The following RIC1 variants were observed in gnomAD, a reference collection of about 807,000 sequenced individuals.
RIC1 encodes the protein guanine nucleotide exchange factor subunit RIC1.
Under a neutral mutation model 169.0 loss-of-function variants are expected in RIC1, and 88 were observed. That is an observed-to-expected ratio of 0.52 (90% CI 0.44 to 0.62). The LOEUF is 0.62. RIC1 is among the 20% of genes least tolerant of loss of function. The probability of loss-of-function intolerance (pLI) is 0.00; values close to 1 mark genes in which losing one functional copy is unlikely to be tolerated. For synonymous variants in RIC1, 790 were observed against 601.5 expected (o/e 1.31, Z -4.59); for missense variants, 1,877 against 1,725.5 (o/e 1.09, Z -1.56).
At chr9:5,703,634 C>T (rs897177356) in intron 3 of RIC1, among the ~76,000 whole-genome samples, 3 of 152,192 alleles carry the variant, frequency 2.0e-5, no homozygotes, top group African/African-American at 7.2e-5. Context: ...TGGAATCACA[C>T]ACTATGTACC....
intron 2 of RIC1, 86 bp from the exon 3 acceptor site, chr9:5,689,873 C>A: frequency 3.3e-6 from 3 of 905,274 alleles, no homozygotes; most frequent in Non-Finnish European, 3.3e-6. Flanking sequence ...AATTTTTTTT[C>A]GAAGTAAGAA....
At chr9:5,765,948 G>A in intron 21 of RIC1, 150 bp downstream of exon 21, 1 of 963,090 alleles carries the variant, frequency 1.0e-6, no homozygotes, top group South Asian at 1.7e-5. Context: ...CCACACAGAA[G>A]GCTTCCCTTT....
chr9:5,729,040 C>A (rs1437197747), intron 6 of RIC1, among the ~76,000 whole-genome samples: 1 of 152,174 alleles, frequency 6.6e-6, no homozygotes, highest in African/African-American at 2.4e-5. Flanking sequence ...TCTCCCCTCT[C>A]TGTCTCCAGT....
intron 5 of RIC1, 115 bp from the exon 6 acceptor site, chr9:5,720,499 G>A (rs539639467): frequency 1.0e-5 from 12 of 1,191,812 alleles, no homozygotes; most frequent in Non-Finnish European, 1.4e-5. Flanking sequence ...TAATTATTTA[G>A]GGTTGTTAGG....
chr9:5,721,891 CTTTTTTTTTTT>C (rs1261535327), intron 6 of RIC1, among the ~76,000 whole-genome samples: 3 of 141,238 alleles, frequency 2.1e-5, no homozygotes, highest in East Asian at 4.1e-4. Flanking sequence ...TTTTTGTTTT[CTTTTTTTTTTT>C]TTTGAGATGG....
At chr9:5,705,770 T>C (rs185288590) in intron 3 of RIC1, among the ~76,000 whole-genome samples, 4 of 152,356 alleles carry the variant, frequency 2.6e-5, no homozygotes, top group African/African-American at 9.6e-5. Flanking sequence ...AGATGTTAGC[T>C]GTGCGCTTTA....
intron 1 of RIC1, among the ~76,000 whole-genome samples, chr9:5,649,782 C>T (rs1818705291): frequency 6.7e-6 from 1 of 149,990 alleles, no homozygotes; most frequent in Non-Finnish European, 1.5e-5. Context: ...AAGTTGATGT[C>T]TGTACCTCTG....
chr9:5,720,581 A>C (rs748700043), intron 5 of RIC1, 33 bp from the exon 6 acceptor site: 1 of 1,556,746 alleles, frequency 6.4e-7, no homozygotes, highest in African/African-American at 1.4e-5. Flanking sequence ...TTATATTCTT[A>C]ATCCTATTTC....
chr9:5,684,816 C>G (rs1327516973), intron 2 of RIC1, among the ~76,000 whole-genome samples: 9 of 152,088 alleles, frequency 5.9e-5, no homozygotes, highest in Non-Finnish European at 7.4e-5. Flanking sequence ...AAATCTCTTT[C>G]ATCCAGATAT....
chr9:5,658,824 TG>T (rs1190168717), intron 2 of RIC1, among the ~76,000 whole-genome samples: 6 of 148,230 alleles, frequency 4.0e-5, no homozygotes, highest in South Asian at 2.1e-4. Flanking sequence ...AAAGTTTTTT[TG>T]TTTTTTTTTT....
chr9:5,735,178 G>A (rs923599625), intron 7 of RIC1, among the ~76,000 whole-genome samples: 3 of 151,670 alleles, frequency 2.0e-5, no homozygotes, highest in Non-Finnish European at 4.4e-5. Context: ...AGAATATCCT[G>A]CATCCTAGAT....
chr9:5,715,132 A>G (rs528188838), intron 4 of RIC1, among the ~76,000 whole-genome samples: 1 of 152,202 alleles, frequency 6.6e-6, no homozygotes, highest in Non-Finnish European at 1.5e-5. Flanking sequence ...ATTGAGTTCA[A>G]AGTTACTCAT....
chr9:5,762,661 G>C lies in RIC1; in HGVS notation c.2112+1G>C. On this transcript the variant is annotated splice_donor_variant, in intron 18 of 25. Transcript: ENST00000414202. LOFTEE classifies it high-confidence loss of function. The stretch of plus-strand genomic sequence containing the variant: ...TAACCCTAATAACCAAAGGAAACTT[G>C]TGAGTAAAGTACTAGTCATTTCTTT... The C allele has an allele frequency of 1.2e-6, 2 of 1,613,332 alleles. No homozygotes were observed. The highest frequency in any genetic ancestry group is 2.2e-5 in the South Asian group (2 of 90,968).
intron 1 of RIC1, among the ~76,000 whole-genome samples, chr9:5,645,811 C>T (rs1818479002): frequency 6.6e-6 from 1 of 152,170 alleles, no homozygotes; most frequent in Non-Finnish European, 1.5e-5. Context: ...TTGATGGACA[C>T]ATGGGCTGCT....
intron 12 of RIC1, among the ~76,000 whole-genome samples, chr9:5,749,359 G>GT (rs1451219391): frequency 6.6e-6 from 1 of 152,162 alleles, no homozygotes; most frequent in African/African-American, 2.4e-5. Flanking sequence ...GTATAGGGCA[G>GT]TATACAGTGT....
chr9:5,648,661 A>C (rs1818651377), intron 1 of RIC1, among the ~76,000 whole-genome samples: 1 of 152,098 alleles, frequency 6.6e-6, no homozygotes, highest in Non-Finnish European at 1.5e-5. Context: ...TTTTCTCTGC[A>C]TTCTCATCAA....
chr9:5,724,913 G>C (rs1189406629), intron 6 of RIC1, among the ~76,000 whole-genome samples: 2 of 152,178 alleles, frequency 1.3e-5, no homozygotes, highest in Non-Finnish European at 2.9e-5. Context: ...AAGCCAACTT[G>C]ATAGTGGTGG....
intron 1 of RIC1, among the ~76,000 whole-genome samples, chr9:5,639,140 C>G (rs1818114805): frequency 1.3e-5 from 2 of 152,272 alleles, no homozygotes; most frequent in Non-Finnish European, 2.9e-5. Flanking sequence ...TTCCTGAGCT[C>G]AAGCAATCTG....
At chr9:5,700,404 G>C (rs1227662996) in intron 3 of RIC1, among the ~76,000 whole-genome samples, 1 of 151,952 alleles carries the variant, frequency 6.6e-6, no homozygotes, top group African/African-American at 2.4e-5. Flanking sequence ...TTTATTTAGA[G>C]TTTACTTTGG....
Sources: allele counts gnomAD v4.1 joint callset (sites outside exome capture counted in the v4.1 genomes callset), GRCh38; gene constraint gnomAD v4.1.1; transcripts MANE v1.5; gene names NCBI Gene and HGNC (gene_info 2026-07-23, HGNC 2026-07-21).